The following SLC23A2 variants were observed in gnomAD, a reference collection of about 807,000 sequenced individuals.
SLC23A2 encodes solute carrier family 23 member 2, also known as Na(+)/L-ascorbic acid transporter 2.
In SLC23A2, 36 loss-of-function variants were observed where a neutral mutation model predicts 73.3. The observed-to-expected ratio is 0.49, with a 90% CI of 0.38 to 0.65. The LOEUF (loss-of-function observed/expected upper bound fraction) is 0.65, where lower values mean the gene tolerates loss of function less well. Among genes scored for constraint, SLC23A2 ranks in the 30% least tolerant of loss-of-function variants. The pLI is 0.00. For synonymous variants in SLC23A2, 343 were observed against 327.3 expected, an observed-to-expected ratio of 1.05 and a Z score of -0.52; for missense variants, 507 against 841.6, an observed-to-expected ratio of 0.60 and a Z score of 4.92.
At chr20:4,892,168 A>G (rs1931357447) in intron 6 of SLC23A2, among the ~76,000 whole-genome samples, 1 of 152,160 alleles carries the variant, frequency 6.6e-6, no homozygotes, top group African/African-American at 2.4e-5. Flanking sequence ...TCTGCATCCA[A>G]GGACTCAGTG....
At chr20:4,959,395 C>A (rs560937891) in intron 2 of SLC23A2, among the ~76,000 whole-genome samples, 1 of 152,262 alleles carries the variant, frequency 6.6e-6, no homozygotes, top group Admixed American at 6.5e-5. Flanking sequence ...ACATAAGTTT[C>A]CATAAGACCC....
In SLC23A2 at chr20:4,857,287, C is replaced by CAT. The variant is rs1929755939; in HGVS notation, c.1721-84_1721-83insAT. 2.0e-4 allele frequency: 22 copies of CAT among 107,938 alleles called. No homozygotes were observed. In the South Asian group the frequency reaches 2.1e-3, roughly 10 times the overall value. 6.7% of individuals were successfully genotyped at this position (107,938 alleles called of 1,614,324 possible). A position where few individuals can be genotyped will look rare whatever the true frequency, so the allele number is the denominator to read the frequency against. ...ATGAAACTGTCGTCAAACACATACA[C>CAT]ACACACACACACACACACACACACA... On this transcript the variant is annotated intron_variant, in intron 16 of 16. Transcript: ENST00000338244. This position sits in a 1 kb window ranked among gnomAD's most constrained non-coding sequence, Gnocchi z 4.0.
chr20:4,967,175 G>C (rs530633168), intron 2 of SLC23A2, among the ~76,000 whole-genome samples: 1 of 152,082 alleles, frequency 6.6e-6, no homozygotes, highest in Admixed American at 6.5e-5. Context: ...AATCCAGAAA[G>C]GCTTTATTGC....
Position 4,948,861 on chromosome 20 carries a change from G to A in SLC23A2, c.-154-16145C>T, listed in dbSNP as rs941187070. ...ACCTGACATTTTTTAATAACCCAAA[G>A]ACCTTAAAAGAATTAAAAATATATC... is the stretch of plus-strand genomic sequence containing the variant. On this transcript the variant is annotated intron_variant, in intron 2 of 16. Coordinates refer to ENST00000338244, the MANE Select transcript of SLC23A2 (RefSeq NM_005116.6). Among the ~76,000 whole-genome samples, 7 of 152,098 alleles carry A rather than the reference G, an allele frequency of 4.6e-5. No homozygotes were observed. The South Asian group carries it at 8.3e-4, about 18-fold the overall frequency.
chr20:4,956,732 G>A (rs2087293912), intron 2 of SLC23A2, among the ~76,000 whole-genome samples: 1 of 150,952 alleles, frequency 6.6e-6, no homozygotes, highest in African/African-American at 2.4e-5. Flanking sequence ...CTTGCAGCTA[G>A]ATGCAGCCAG....
At chr20:4,987,704 C>T (rs528761893) in intron 1 of SLC23A2, among the ~76,000 whole-genome samples, 22 of 151,954 alleles carry the variant, frequency 1.4e-4, no homozygotes, top group Admixed American at 6.6e-4. Context: ...AAAAATTAGC[C>T]GGGCGTGGTA....
At chr20:4,919,149 C>T (rs1932421784) in intron 3 of SLC23A2, among the ~76,000 whole-genome samples, 1 of 152,122 alleles carries the variant, frequency 6.6e-6, no homozygotes, top group Non-Finnish European at 1.5e-5. Flanking sequence ...TCTAAACACC[C>T]AAAGCTTGTC....
At position 4,872,708 on chromosome 20, in the gene SLC23A2, T is replaced by A. The variant is rs551323106; in HGVS notation, c.1102+1228A>T. Among the ~76,000 whole-genome samples the A allele has an allele frequency of 2.0e-5, 3 of 152,330 alleles. No homozygotes were observed. Among genetic ancestry groups the A allele is most frequent in the East Asian group, 1.9e-4 (1 of 5,184 alleles). On this transcript the variant is annotated intron_variant, in intron 11 of 16. Coordinates refer to ENST00000338244, the MANE Select transcript of SLC23A2 (RefSeq NM_005116.6). This position sits in a 1 kb window ranked among gnomAD's most constrained non-coding sequence, Gnocchi z 4.4. ...TTCTTGGAAAAAGAATAGGTCTGTA[T>A]AAATGCACACTTAGACCATACAATC...
rs965813060 is a variant in SLC23A2, at chr20:4,856,266, C to A, written c.*706G>T. The A allele has an allele frequency of 2.6e-5, 4 of 152,198 alleles. No individual in the cohort carries two copies. Among genetic ancestry groups the A allele is most frequent in the African/African-American group, 9.7e-5 (4 of 41,414 alleles). 9.4% of individuals were successfully genotyped at this position (152,198 alleles called of 1,614,324 possible). A position where few individuals can be genotyped will look rare whatever the true frequency, so the allele number is the denominator to read the frequency against. On this transcript the variant is annotated 3_prime_UTR_variant, in exon 17 of 17. Transcript: ENST00000338244. This position sits in a 1 kb window ranked among gnomAD's most constrained non-coding sequence, Gnocchi z 4.6. ...AGAGGCCAGTGTGCACGTGCTGGCC[C>A]GGTCAGGGCCAGGGTGGCCAAGAGA...
intron 3 of SLC23A2, among the ~76,000 whole-genome samples, chr20:4,914,877 TA>T (rs1011243359): frequency 6.6e-6 from 1 of 152,068 alleles, no homozygotes; most frequent in African/African-American, 2.4e-5. Context: ...CCGTCTCTAC[TA>T]AAAATACAAA....
At chr20:4,990,727 A>G (rs2087910951) in intron 1 of SLC23A2, among the ~76,000 whole-genome samples, 2 of 150,858 alleles carry the variant, frequency 1.3e-5, no homozygotes, top group African/African-American at 4.9e-5. Flanking sequence ...CACGCCTGTA[A>G]TTCCCAGCAC....
chr20:4,896,883 G>A (rs1372583421), intron 6 of SLC23A2, among the ~76,000 whole-genome samples: 1 of 152,208 alleles, frequency 6.6e-6, no homozygotes, highest in Non-Finnish European at 1.5e-5. Flanking sequence ...CTGGGCAGGG[G>A]GATCATGCCA....
intron 15 of SLC23A2, 137 bp from the exon 16 acceptor site, chr20:4,859,521 C>T (rs762714485): frequency 8.2e-5 from 55 of 672,174 alleles, no homozygotes; most frequent in Non-Finnish European, 1.3e-4. Context: ...CTTAGTTGTG[C>T]ACATGTAGAT....
chr20:4,861,543 C>T (rs1374465791), intron 15 of SLC23A2, among the ~76,000 whole-genome samples: 1 of 152,062 alleles, frequency 6.6e-6, no homozygotes, highest in Non-Finnish European at 1.5e-5. Flanking sequence ...GCACAAGCCA[C>T]GTGATTTTGC....
chr20:4,899,526 G>A lies in SLC23A2; in HGVS notation c.482+29C>T, dbSNP rs377410858. 10 of 1,607,354 alleles carry A rather than the reference G, an allele frequency of 6.2e-6. No homozygotes were observed. In the South Asian group the frequency reaches 6.6e-5, roughly 11 times the overall value. On this transcript the variant is annotated intron_variant, in intron 6 of 16. Coordinates refer to ENST00000338244, the MANE Select transcript of SLC23A2 (RefSeq NM_005116.6). This position sits in a 1 kb window ranked among gnomAD's most constrained non-coding sequence, Gnocchi z 4.9. ...GCGCTCAATGCCTTCTGGGGGCTTTGGCATCCCCCATTAGTACCCCAATCT... is the reference window on the plus strand; with the variant it reads ...GCGCTCAATGCCTTCTGGGGGCTTTAGCATCCCCCATTAGTACCCCAATCT...
At position 4,869,593 on chromosome 20, in the gene SLC23A2, G is replaced by A. The variant is rs148069046; in HGVS notation, c.1250+313C>T. On this transcript the variant is annotated intron_variant, in intron 12 of 16. Coordinates refer to ENST00000338244, the MANE Select transcript of SLC23A2 (RefSeq NM_005116.6). The stretch of plus-strand genomic sequence containing the variant: ...AAAGCAAAGAACAAGTGCAGTGCTT[G>A]GCATGTGGTTTTTGAATTTAAGGCT... The A allele has an allele frequency of 2.1e-5, 6 of 290,542 alleles. No individual in the cohort carries two copies. In the East Asian group the frequency reaches 4.3e-4, roughly 21 times the overall value. The allele number at this position is 290,542 out of a possible 1,614,324, so 18.0% of individuals were successfully genotyped here. A position where few individuals can be genotyped will look rare whatever the true frequency, so the allele number is the denominator to read the frequency against.
In SLC23A2 at chr20:4,969,278, A is replaced by T. The variant is rs922130974; in HGVS notation, c.-155+1515T>A. Among the ~76,000 whole-genome samples, 4 of 151,806 alleles carry T rather than the reference A, an allele frequency of 2.6e-5. No homozygotes were observed. In the East Asian group the frequency reaches 7.7e-4, roughly 29 times the overall value. On this transcript the variant is annotated intron_variant, in intron 2 of 16. Coordinates refer to ENST00000338244, the MANE Select transcript of SLC23A2 (RefSeq NM_005116.6). ...AATTTTTTGTACTTTTAATAGAGAC[A>T]GGGTTTCTCCATGTTGTACAGGCTG...
chr20:4,874,686 G>A lies in SLC23A2; in HGVS notation c.835C>T (p.Leu279=). Reference sequence around the variant, plus strand: ...GCGTATTGAGAAAACAGTAATACTAGGAATATTGTCCTGAGGAGAGAAAGA... The same window carrying A: ...GCGTATTGAGAAAACAGTAATACTAAGAATATTGTCCTGAGGAGAGAAAGA... ...HWGIAMLTIF[L]VLLFSQYARN... Residue 279 remains leucine, a synonymous_variant, in exon 10 of 17, where the codon CTA becomes TTA. Coordinates refer to ENST00000338244, the MANE Select transcript of SLC23A2 (RefSeq NM_005116.6). 1 of 1,608,374 alleles carries A rather than the reference G, an allele frequency of 6.2e-7. No individual in the cohort carries two copies. Among genetic ancestry groups the A allele is most frequent in the Non-Finnish European group, 8.5e-7 (1 of 1,176,912 alleles).
chr20:4,972,460 T>C (rs1351197364), intron 1 of SLC23A2, among the ~76,000 whole-genome samples: 1 of 151,804 alleles, frequency 6.6e-6, no homozygotes, highest in Non-Finnish European at 1.5e-5. Flanking sequence ...TGTCTTTCCC[T>C]TTCTAAAACA....
Sources: gnomAD v4.1 joint callset for allele counts (sites outside exome capture counted in the v4.1 genomes callset) on GRCh38, gnomAD v4.1.1 for gene constraint, Gnocchi (gnomAD v3.1) non-coding constraint, MANE v1.5 for transcripts, NCBI Gene and HGNC (gene_info 2026-07-23, HGNC 2026-07-21) for gene names.